GOLM1: variants seen among roughly 807,000 people sequenced by gnomAD.
The protein encoded by GOLM1 is epididymis luminal protein 46.
GOLM1 carries 31 observed loss-of-function variants against 50.5 expected under a neutral mutation model. The observed-to-expected ratio is 0.61, with a 90% CI of 0.46 to 0.83. The LOEUF (loss-of-function observed/expected upper bound fraction) is 0.83, where lower values mean the gene tolerates loss of function less well. Ranked by LOEUF, GOLM1 falls within the 40% of genes least tolerant of loss-of-function variation. The probability of loss-of-function intolerance (pLI) is 0.00; values close to 1 mark genes in which losing one functional copy is unlikely to be tolerated. For missense variants in GOLM1, 491 were observed against 501.3 expected (o/e 0.98, Z 0.20); for synonymous variants, 178 against 192.8 (o/e 0.92, Z 0.64).
rs1832802905 is a variant in GOLM1 at position 86,026,887 on chromosome 9, C to G, written c.*930G>C. 1.0e-6 allele frequency: 1 copy of G among 984,182 alleles called. No individual in the cohort carries two copies. Among genetic ancestry groups the G allele is most frequent in the Non-Finnish European group, 1.2e-6 (1 of 828,978 alleles). 61.0% of individuals were successfully genotyped at this position (984,182 alleles called of 1,614,324 possible). On this transcript the variant is annotated 3_prime_UTR_variant, in exon 10 of 10. Coordinates refer to ENST00000388712, the MANE Select transcript of GOLM1 (RefSeq NM_016548.4). ...TTCTAAACAGTCCTAATTTCTAACACTGTATATATCCTTCGACATCAATGA... is the reference window on the plus strand; with the variant it reads ...TTCTAAACAGTCCTAATTTCTAACAGTGTATATATCCTTCGACATCAATGA...
chr9:86,053,439 C>CCCCACCACACA (rs1564347212), intron 3 of GOLM1, among the ~76,000 whole-genome samples: 1 of 4,862 alleles, frequency 2.1e-4, no homozygotes, highest in African/African-American at 5.0e-4. Flanking sequence ...ACACCACACA[C>CCCCACCACACA]CATTCCATAC....
intron 9 of GOLM1, among the ~76,000 whole-genome samples, chr9:86,030,927 G>T (rs1832956847): frequency 1.3e-5 from 2 of 152,182 alleles, no homozygotes; most frequent in African/African-American, 2.4e-5. Flanking sequence ...ATAAAAGAAG[G>T]TATTGTTAGC....
chr9:86,099,673 C>A (rs1420403737), upstream of GOLM1: 1 of 150,834 alleles, frequency 6.6e-6, no homozygotes, highest in Non-Finnish European at 1.5e-5. Context: ...CGCGGACTCC[C>A]GGCCCCACGG....
chr9:86,045,674 GAA>G (rs1174542328), intron 5 of GOLM1, among the ~76,000 whole-genome samples: 57 of 94,280 alleles, frequency 6.0e-4, no homozygotes, highest in African/African-American at 1.5e-3. Context: ...CTCCGCTCAA[GAA>G]AAAAAAAAAA....
In GOLM1 at chr9:86,036,475, C is replaced by A. The variant is rs763176081; in HGVS notation, c.630G>T (p.Leu210=). The A allele has an allele frequency of 6.2e-7, 1 of 1,614,104 alleles. No homozygotes were observed. The highest frequency in any genetic ancestry group is 2.2e-5 in the East Asian group (1 of 44,856). ...CTGTGTGTGGCAGGCCTGCTGCCTG[C>A]AGCCTGGGCTGAGGCTCACTGAGGG... ...LQALSEPQPR[L]QAAGLPHTEV... The change falls in exon 7 of 10, where the codon CTG becomes CTT. Residue 210 remains leucine (L), a synonymous_variant. Coordinates refer to ENST00000388712, the MANE Select transcript of GOLM1 (RefSeq NM_016548.4).
At chr9:86,060,844 C>CT (rs996975025) in intron 3 of GOLM1, among the ~76,000 whole-genome samples, 1 of 123,508 alleles carries the variant, frequency 8.1e-6, no homozygotes, top group Admixed American at 1.0e-4. Flanking sequence ...TGCCATTGCA[C>CT]TCCAGCCTGG....
At chr9:86,076,857 CAAA>C (rs748234542) in intron 3 of GOLM1, among the ~76,000 whole-genome samples, 3 of 111,142 alleles carry the variant, frequency 2.7e-5, no homozygotes, top group Non-Finnish European at 1.9e-5. Flanking sequence ...AACTCCATCT[CAAA>C]AAAAAAAAAA....
Position 86,026,934 on chromosome 9 carries a change from G to GTAAT in GOLM1, c.*879_*882dup, listed in dbSNP as rs1159244808. On this transcript the variant is annotated 3_prime_UTR_variant, in exon 10 of 10. Coordinates refer to ENST00000388712, the MANE Select transcript of GOLM1 (RefSeq NM_016548.4). ...ATGAACTTTGTTTTCTTTTACTCCA[G>GTAAT]TAATAAAGTAGGCACAGATCTGTCC... 2 of 984,758 alleles carry GTAAT rather than the reference G, an allele frequency of 2.0e-6. No individual in the cohort carries two copies. The highest frequency in any genetic ancestry group is 6.1e-5 in the Admixed American group (1 of 16,266). 61.0% of individuals were successfully genotyped at this position (984,758 alleles called of 1,614,324 possible).
rs896295105 is a variant in GOLM1, at chr9:86,099,548, G to T, written c.-159C>A. ...GCCCAGCGCCTCCGCGTCCAGCGCC[G>T]CCGCGTCTCCGGCCTCCGCAGCGGC... On this transcript the variant is annotated 5_prime_UTR_variant, in exon 1 of 10. Coordinates refer to ENST00000388712, the MANE Select transcript of GOLM1 (RefSeq NM_016548.4). The T allele has an allele frequency of 1.5e-4, 22 of 147,600 alleles. No homozygotes were observed. Among genetic ancestry groups the T allele is most frequent in the African/African-American group, 5.4e-4 (22 of 40,986 alleles). 9.1% of individuals were successfully genotyped at this position (147,600 alleles called of 1,614,324 possible). A position where few individuals can be genotyped will look rare whatever the true frequency, so the allele number is the denominator to read the frequency against.
Position 86,089,667 on chromosome 9 carries a change from T to C in GOLM1, c.-22+9744A>G, listed in dbSNP as rs113930389. Among the ~76,000 whole-genome samples the C allele has an allele frequency of 7.3e-3, 1,119 of 152,256 alleles. 13 individuals carry two copies. Among genetic ancestry groups the C allele is most frequent in the African/African-American group, 0.026 (1,067 of 41,538 alleles). On this transcript the variant is annotated intron_variant, in intron 1 of 9. Transcript: ENST00000388712. ...TAGTTAGCAATTCCTCTAAACTTTT[T>C]TCAAGGTTCTTAGCTTCCTTGCATT... is the stretch of plus-strand genomic sequence containing the variant.
intron 9 of GOLM1, among the ~76,000 whole-genome samples, chr9:86,031,429 A>C (rs1832976641): frequency 6.8e-6 from 1 of 147,588 alleles, no homozygotes. Flanking sequence ...TATCTACCTT[A>C]TACAAACAAT....
chr9:86,035,481 T>C lies in GOLM1; in HGVS notation c.902A>G (p.Gln301Arg), dbSNP rs1833103591. 1.9e-6 allele frequency: 3 copies of C among 1,613,492 alleles called. No homozygotes were observed. The highest frequency in any genetic ancestry group is 2.7e-5 in the African/African-American group (2 of 74,838). Residue 301 changes from glutamine to arginine, a missense_variant, in exon 8 of 10, where the codon CAG becomes CGG. Physicochemically the swap from Gln to Arg is conservative, Grantham distance 43. Coordinates refer to ENST00000388712, the MANE Select transcript of GOLM1 (RefSeq NM_016548.4). ...GCTCACTGACAGGGCAGCCTGCACC[T>C]GTGGGGTCTGGCCCAGTTCTCCGGC... ...GGAGELGQTP[Q>R]VQAALSVSQE...
chr9:86,027,911 ATAATAT>A lies in GOLM1; in HGVS notation c.1130-24_1130-19del. ...ATTAAAAACTAAAAAGGAAAAACACATAATATTCTATAGAGTATTAAATGAGATACT... is the reference window on the plus strand; with the variant it reads ...ATTAAAAACTAAAAAGGAAAAACACATCTATAGAGTATTAAATGAGATACT... On this transcript the variant is annotated intron_variant, in intron 9 of 9. Transcript: ENST00000388712. 1.4e-6 allele frequency: 2 copies of A among 1,407,530 alleles called. No homozygotes were observed. The highest frequency in any genetic ancestry group is 1.0e-6 in the Non-Finnish European group (1 of 993,646). The allele number at this position is 1,407,530 out of a possible 1,614,324, so 87.2% of individuals were successfully genotyped here. A position where few individuals can be genotyped will look rare whatever the true frequency, so the allele number is the denominator to read the frequency against.
At position 86,026,547 on chromosome 9, in the gene GOLM1, G is replaced by C. The variant is rs1429852042; in HGVS notation, c.*1270C>G. The C allele has an allele frequency of 5.6e-6, 5 of 895,680 alleles. No homozygotes were observed. Among genetic ancestry groups the C allele is most frequent in the Non-Finnish European group, 6.7e-6 (5 of 748,268 alleles). The allele number at this position is 895,680 out of a possible 1,614,324, so 55.5% of individuals were successfully genotyped here. On this transcript the variant is annotated 3_prime_UTR_variant, in exon 10 of 10. Transcript: ENST00000388712. ...CCATTTTCCCCTCTGAAAATAAGAGGGTTGGATCAAACGATCTCTGGGGCC... is the reference window on the plus strand; with the variant it reads ...CCATTTTCCCCTCTGAAAATAAGAGCGTTGGATCAAACGATCTCTGGGGCC...
chr9:86,053,259 CACA>C (rs757990916), intron 3 of GOLM1, among the ~76,000 whole-genome samples: 12 of 136,912 alleles, frequency 8.8e-5, no homozygotes, highest in Non-Finnish European at 1.4e-4. Flanking sequence ...GACTCCACAC[CACA>C]ACGCCAGACC....
intron 4 of GOLM1, among the ~76,000 whole-genome samples, chr9:86,052,001 C>A (rs965313340): frequency 6.6e-6 from 1 of 152,036 alleles, no homozygotes; most frequent in South Asian, 2.1e-4. Flanking sequence ...GTAGCATGGA[C>A]CCTGCTGACC....
At chr9:86,084,593 GT>G (rs1834891674) in intron 1 of GOLM1, among the ~76,000 whole-genome samples, 1 of 152,154 alleles carries the variant, frequency 6.6e-6, no homozygotes, top group African/African-American at 2.4e-5. Flanking sequence ...GGGAAACAGG[GT>G]AAAGGGTATA....
Position 86,027,119 on chromosome 9 carries a change from GTAAA to G in GOLM1, c.*694_*697del. The G allele has an allele frequency of 2.0e-6, 2 of 984,228 alleles. No homozygotes were observed. Among genetic ancestry groups the G allele is most frequent in the Non-Finnish European group, 2.4e-6 (2 of 829,852 alleles). The allele number at this position is 984,228 out of a possible 1,614,324, so 61.0% of individuals were successfully genotyped here. On this transcript the variant is annotated 3_prime_UTR_variant, in exon 10 of 10. Transcript: ENST00000388712. ...TTGCTTTGCCCACACACGAAGCAAA[GTAAA>G]TAAAGACCACAAATGTTCAAATTCT... is the stretch of plus-strand genomic sequence containing the variant.
intron 4 of GOLM1, among the ~76,000 whole-genome samples, chr9:86,047,419 G>A (rs1482140903): frequency 3.9e-5 from 6 of 152,200 alleles, no homozygotes. Context: ...GAAGCGTTCC[G>A]TGAATTACGA....
Sources: allele counts gnomAD v4.1 joint callset (sites outside exome capture counted in the v4.1 genomes callset), GRCh38; gene constraint gnomAD v4.1.1; transcripts MANE v1.5; gene names NCBI Gene and HGNC (gene_info 2026-07-23, HGNC 2026-07-21).